The following DYNAP variants were observed in gnomAD, a reference collection of about 807,000 sequenced individuals.
DYNAP encodes dynactin-associated protein.
Under a neutral mutation model 8.5 loss-of-function variants are expected in DYNAP, and 7 were observed. That is an observed-to-expected ratio of 0.82 (90% CI 0.47 to 1.54). DYNAP has a LOEUF of 1.54. Among genes scored for constraint, DYNAP ranks in the 40% most tolerant of loss-of-function variants. The probability of loss-of-function intolerance (pLI) is 0.01; values close to 1 mark genes in which losing one functional copy is unlikely to be tolerated. For missense variants in DYNAP, 256 were observed against 224.3 expected (o/e 1.14, Z -0.90); for synonymous variants, 77 against 77.9 (o/e 0.99, Z 0.06).
chr18:54,591,824 A>G (rs1028094089), intron 1 of DYNAP, among the ~76,000 whole-genome samples: 31 of 152,242 alleles, frequency 2.0e-4, no homozygotes, highest in African/African-American at 6.7e-4. Flanking sequence ...AAATATGACT[A>G]TTTTGTCTGC....
chr18:54,590,938 G>C (rs1270879713), upstream of DYNAP, among the ~76,000 whole-genome samples: 1 of 152,140 alleles, frequency 6.6e-6, no homozygotes, highest in African/African-American at 2.4e-5. Context: ...ATCTCAGAAC[G>C]TTTTTCTGGG....
At chr18:54,585,257 T>C (rs1300735161), upstream of DYNAP, among the ~76,000 whole-genome samples, 2 of 152,150 alleles carry the variant, frequency 1.3e-5, no homozygotes, top group Non-Finnish European at 2.9e-5. Flanking sequence ...TAACTAACAC[T>C]GAGGCCATAA....
upstream of DYNAP, chr18:54,591,191 G>T (rs949506358): frequency 1.9e-6 from 3 of 1,606,806 alleles, no homozygotes; most frequent in East Asian, 6.7e-5. Flanking sequence ...TTCCACCAGT[G>T]TTTTAATTGT....
chr18:54,588,990 A>T (rs924155390), upstream of DYNAP, among the ~76,000 whole-genome samples: 1 of 152,212 alleles, frequency 6.6e-6, no homozygotes, highest in Non-Finnish European at 1.5e-5. Context: ...AAGATGAAAT[A>T]TAATAATCCC....
At chr18:54,581,791 G>T in the DYNAP span, among the ~76,000 whole-genome samples, 1 of 151,956 alleles carries the variant, frequency 6.6e-6, no homozygotes, top group Non-Finnish European at 1.5e-5. Flanking sequence ...TTATTTTCAA[G>T]CAAAAATTGA....
intron 1 of DYNAP, among the ~76,000 whole-genome samples, chr18:54,592,839 C>A (rs974735994): frequency 3.3e-5 from 5 of 152,198 alleles, no homozygotes; most frequent in African/African-American, 1.2e-4. Flanking sequence ...ACCCACCCAT[C>A]ACCTTCCTCT....
the DYNAP span, among the ~76,000 whole-genome samples, chr18:54,576,830 A>T: frequency 6.6e-6 from 1 of 151,750 alleles, no homozygotes; most frequent in Admixed American, 6.6e-5. Flanking sequence ...CAACAACAAC[A>T]ACAACAACAC....
chr18:54,595,149 A>G (rs1911239215), intron 2 of DYNAP, 46 bp downstream of exon 2: 1 of 1,559,338 alleles, frequency 6.4e-7, no homozygotes. Flanking sequence ...GATGTGCTCT[A>G]TATGGGCATG....
At chr18:54,578,802 T>C in the DYNAP span, among the ~76,000 whole-genome samples, 1 of 152,076 alleles carries the variant, frequency 6.6e-6, no homozygotes, top group Non-Finnish European at 1.5e-5. Flanking sequence ...TTATTTTTAT[T>C]ATTATTATTT....
the DYNAP span, among the ~76,000 whole-genome samples, chr18:54,581,433 C>G: frequency 6.6e-6 from 1 of 152,242 alleles, no homozygotes; most frequent in East Asian, 1.9e-4. Flanking sequence ...TGGGTCTTCC[C>G]CAGGCCTACT....
At position 54,591,277 on chromosome 18, in the gene DYNAP, T is replaced by C. The variant is rs1167506459; in HGVS notation, c.-6T>C. The C allele has an allele frequency of 6.2e-7, 1 of 1,613,042 alleles. No individual in the cohort carries two copies. Among genetic ancestry groups the C allele is most frequent in the Non-Finnish European group, 8.5e-7 (1 of 1,179,316 alleles). On this transcript the variant is annotated 5_prime_UTR_variant, in exon 1 of 3. Coordinates refer to ENST00000648945, the MANE Select transcript of DYNAP (RefSeq NM_173629.3). ...GAGAGAAGCTTGTGATACTGGCAGCTCAAGAATGGACAGAAAGCATGGAAA... is the reference window on the plus strand; with the variant it reads ...GAGAGAAGCTTGTGATACTGGCAGCCCAAGAATGGACAGAAAGCATGGAAA...
the DYNAP span, among the ~76,000 whole-genome samples, chr18:54,578,427 C>T: frequency 6.6e-6 from 1 of 152,216 alleles, no homozygotes; most frequent in Non-Finnish European, 1.5e-5. Context: ...ATTTAATCAA[C>T]ACATGCATGG....
In DYNAP at chr18:54,598,926, C is replaced by G. The variant is rs1314408081; in HGVS notation, c.*781C>G. ...ACAATAAAACTTGATCTCCACAATC[C>G]TTTATCTTAACCTGAACATTCCTTT... is the stretch of plus-strand genomic sequence containing the variant. On this transcript the variant is annotated 3_prime_UTR_variant, in exon 3 of 3. Coordinates refer to ENST00000648945, the MANE Select transcript of DYNAP (RefSeq NM_173629.3). 1 of 152,110 alleles carries G rather than the reference C, an allele frequency of 6.6e-6. No homozygotes were observed. Among genetic ancestry groups the G allele is most frequent in the Non-Finnish European group, 1.5e-5 (1 of 68,010 alleles). 9.4% of individuals were successfully genotyped at this position (152,110 alleles called of 1,614,324 possible).
the DYNAP span, among the ~76,000 whole-genome samples, chr18:54,575,812 C>T: frequency 1.3e-5 from 2 of 152,062 alleles, no homozygotes; most frequent in Non-Finnish European, 2.9e-5. Context: ...CATGCACACA[C>T]ACACACGCAC....
chr18:54,583,654 A>C (rs1568238575), upstream of DYNAP, among the ~76,000 whole-genome samples: 1 of 152,218 alleles, frequency 6.6e-6, no homozygotes, highest in Non-Finnish European at 1.5e-5. Flanking sequence ...AATAACAAAT[A>C]AAATAACAAT....
chr18:54,581,749 GA>G, the DYNAP span, among the ~76,000 whole-genome samples: 2 of 151,994 alleles, frequency 1.3e-5, no homozygotes, highest in African/African-American at 4.8e-5. Flanking sequence ...AATCACATGG[GA>G]AAAAATGTTT....
rs1911407097 is a variant in DYNAP at position 54,598,421 on chromosome 18, A to G, written c.*276A>G. 5.2e-6 allele frequency: 2 copies of G among 383,796 alleles called. No homozygotes were observed. The highest frequency in any genetic ancestry group is 1.1e-4 in the South Asian group (2 of 18,914). 23.8% of individuals were successfully genotyped at this position (383,796 alleles called of 1,614,324 possible). Reference sequence around the variant, plus strand: ...ATCTGCAACCACTTCCACTTAACCTATAACTACTGTAACTTCTACTTAGCC... The same window carrying G: ...ATCTGCAACCACTTCCACTTAACCTGTAACTACTGTAACTTCTACTTAGCC... On this transcript the variant is annotated 3_prime_UTR_variant, in exon 3 of 3. Transcript: ENST00000648945.
At chr18:54,578,797 T>A in the DYNAP span, among the ~76,000 whole-genome samples, 5 of 152,142 alleles carry the variant, frequency 3.3e-5, no homozygotes, top group East Asian at 7.7e-4. Flanking sequence ...ATTTTTTATT[T>A]TTATTATTAT....
In DYNAP at chr18:54,598,020, C is replaced by T; in HGVS notation, c.430C>T (p.Pro144Ser). The T allele has an allele frequency of 6.2e-7, 1 of 1,613,506 alleles. No homozygotes were observed. The highest frequency in any genetic ancestry group is 8.5e-7 in the Non-Finnish European group (1 of 1,179,762). The stretch of plus-strand genomic sequence containing the variant: ...ACCTGGAACACCCTCTCCTGCTTGT[C>T]CACCTACAATGACCACCACTTCAAC... ...VKPGTPSPACPPTMTTTSTVP... is the reference protein window; with the variant it reads ...VKPGTPSPACSPTMTTTSTVP... The change falls in exon 3 of 3, where the codon CCA (proline) becomes TCA (serine). Residue 144 changes from proline (P) to serine (S), a missense_variant. Physicochemically the swap from Pro to Ser is moderately conservative, Grantham distance 74. Transcript: ENST00000648945.
Sources: allele counts gnomAD v4.1 joint callset (sites outside exome capture counted in the v4.1 genomes callset), GRCh38; gene constraint gnomAD v4.1.1; transcripts MANE v1.5; gene names NCBI Gene and HGNC (gene_info 2026-07-23, HGNC 2026-07-21).